MAGI2: variants seen among roughly 807,000 people sequenced by gnomAD.
MAGI2 encodes the protein membrane-associated guanylate kinase, WW and PDZ domain-containing protein 2.
Under a neutral mutation model 133.3 loss-of-function variants are expected in MAGI2, and 35 were observed. That is an observed-to-expected ratio of 0.26 (90% CI 0.20 to 0.35). The LOEUF is 0.35. MAGI2 is among the 10% of genes least tolerant of loss of function. The pLI, the probability that MAGI2 is intolerant of heterozygous loss-of-function variation, is 1.00. For missense variants in MAGI2, 1,636 were observed against 1,863.4 expected, an observed-to-expected ratio of 0.88 and a Z score of 2.25; for synonymous variants, 729 against 710.6, an observed-to-expected ratio of 1.03 and a Z score of -0.41.
chr7:78,144,141 T>C (rs1223048692), intron 16 of MAGI2, among the ~76,000 whole-genome samples: 2 of 152,156 alleles, frequency 1.3e-5, no homozygotes, highest in Non-Finnish European at 2.9e-5. Flanking sequence ...AGCAACTTAA[T>C]TGAAGTAATA....
chr7:78,959,515 C>CTGTCAA (rs141079085), intron 2 of MAGI2, among the ~76,000 whole-genome samples: 3,956 of 152,156 alleles, frequency 0.026, 252 homozygotes, highest in East Asian at 0.16. Flanking sequence ...GAGACACTAC[C>CTGTCAA]TGTCAATGAG....
At position 78,468,300 on chromosome 7, in the gene MAGI2, G is replaced by A. The variant is rs143993982; in HGVS notation, c.1045+21461C>T. Reference sequence around the variant, plus strand: ...TGACTATCACTTTTCTTTCTCAGGGGATGCAAACTCCAGTGGCTACTAACT... The same window carrying A: ...TGACTATCACTTTTCTTTCTCAGGGAATGCAAACTCCAGTGGCTACTAACT... On this transcript the variant is annotated intron_variant, in intron 6 of 21. Transcript: ENST00000354212. Among the ~76,000 whole-genome samples the A allele has an allele frequency of 9.2e-5, 14 of 152,210 alleles. No homozygotes were observed. The East Asian group carries it at 2.7e-3, about 29-fold the overall frequency.
At chr7:78,967,557 C>T (rs1051379242) in intron 2 of MAGI2, among the ~76,000 whole-genome samples, 8 of 151,702 alleles carry the variant, frequency 5.3e-5, no homozygotes, top group Non-Finnish European at 1.2e-4. Flanking sequence ...ATGTTTTCTT[C>T]TATGAGTTTT....
intron 2 of MAGI2, among the ~76,000 whole-genome samples, chr7:78,911,723 C>G (rs1018301859): frequency 6.6e-6 from 1 of 151,614 alleles, no homozygotes; most frequent in Middle Eastern, 3.4e-3. Context: ...ATTTTAGGTT[C>G]GGGGGTACAT....
intron 18 of MAGI2, among the ~76,000 whole-genome samples, chr7:78,132,172 C>T (rs935052939): frequency 2.0e-5 from 3 of 152,192 alleles, no homozygotes; most frequent in African/African-American, 4.8e-5. Flanking sequence ...ACCACACTGG[C>T]TGCTAATATT....
At chr7:78,828,191 G>C (rs1010677878) in intron 2 of MAGI2, among the ~76,000 whole-genome samples, 1 of 141,324 alleles carries the variant, frequency 7.1e-6, no homozygotes, top group Admixed American at 6.7e-5. Context: ...AGCCTTCCCC[G>C]CCTCTTAAAT....
At chr7:79,204,902 A>G (rs533063761) in intron 1 of MAGI2, among the ~76,000 whole-genome samples, 2 of 152,116 alleles carry the variant, frequency 1.3e-5, no homozygotes, top group South Asian at 2.1e-4. Flanking sequence ...ACTCGAAGAC[A>G]GGTTATTTGA....
At chr7:78,617,119 A>T (rs1807188211) in intron 3 of MAGI2, 1 of 152,122 alleles carries the variant, frequency 6.6e-6, no homozygotes, top group African/African-American at 2.4e-5. Flanking sequence ...TGATTTTTGG[A>T]TGAATATCAT....
At chr7:79,206,363 A>C (rs967905857) in intron 1 of MAGI2, among the ~76,000 whole-genome samples, 1 of 151,772 alleles carries the variant, frequency 6.6e-6, no homozygotes, top group Non-Finnish European at 1.5e-5. Context: ...AACTCAAATA[A>C]ATAAAATCAG....
chr7:79,028,239 A>G (rs867486705), intron 1 of MAGI2, among the ~76,000 whole-genome samples: 33 of 34,856 alleles, frequency 9.5e-4, no homozygotes, highest in South Asian at 4.8e-3. Context: ...ATGTATGTAT[A>G]TATATATATA....
chr7:78,135,172 C>A lies in MAGI2; in HGVS notation c.2880G>T (p.Gly960=), dbSNP rs1821980418. 1 of 1,614,026 alleles carries A rather than the reference C, an allele frequency of 6.2e-7. No homozygotes were observed. The change falls in exon 17 of 22, where the codon GGG becomes GGT. Residue 960 remains glycine (G), a synonymous_variant. Coordinates refer to ENST00000354212, the MANE Select transcript of MAGI2 (RefSeq NM_012301.4). The part of the protein sequence containing the change: ...VPHKIGRIID[G]SPADRCAKLK... ...GTTTTGCACAGCGATCTGCAGGACT[C>A]CCATCAATGATGCGTCCGATTTTAT...
At chr7:78,392,947 C>G (rs1033665483) in intron 6 of MAGI2, among the ~76,000 whole-genome samples, 2 of 152,244 alleles carry the variant, frequency 1.3e-5, no homozygotes, top group Admixed American at 6.5e-5. Flanking sequence ...AGGTGTGAGC[C>G]ACCGCGCCTG....
At chr7:78,973,317 T>C (rs1232594999) in intron 2 of MAGI2, among the ~76,000 whole-genome samples, 2 of 151,896 alleles carry the variant, frequency 1.3e-5, no homozygotes, top group African/African-American at 4.8e-5. Context: ...TTTGCCTTGA[T>C]TGGGTGTTGC....
intron 21 of MAGI2, among the ~76,000 whole-genome samples, chr7:78,046,265 G>T (rs1045394387): frequency 1.3e-5 from 2 of 151,516 alleles, no homozygotes; most frequent in African/African-American, 4.9e-5. Context: ...AACCAGGCAT[G>T]TTGGTGGGCA....
intron 2 of MAGI2, among the ~76,000 whole-genome samples, chr7:78,820,325 A>T (rs528018870): frequency 6.6e-6 from 1 of 152,000 alleles, no homozygotes; most frequent in Non-Finnish European, 1.5e-5. Context: ...CATAAGAATG[A>T]TGAGTTCTTC....
intron 2 of MAGI2, among the ~76,000 whole-genome samples, chr7:78,716,228 ATGTTT>A (rs1192065964): frequency 6.6e-6 from 1 of 152,134 alleles, no homozygotes; most frequent in Non-Finnish European, 1.5e-5. Context: ...GACTTTTGCT[ATGTTT>A]TATTTTAATT....
At chr7:78,961,132 T>C (rs1376285605) in intron 2 of MAGI2, among the ~76,000 whole-genome samples, 1 of 152,180 alleles carries the variant, frequency 6.6e-6, no homozygotes, top group Non-Finnish European at 1.5e-5. Flanking sequence ...TATTTTTATG[T>C]ACTTAGGGAT....
At chr7:78,330,400 G>A (rs189826231) in intron 9 of MAGI2, among the ~76,000 whole-genome samples, 2,416 of 39,352 alleles carry the variant, frequency 0.061, 773 homozygotes, top group Non-Finnish European at 0.11. Flanking sequence ...GGCGGATCAC[G>A]AGGTCAGGAG....
intron 1 of MAGI2, among the ~76,000 whole-genome samples, chr7:79,137,456 T>G (rs533308661): frequency 6.7e-6 from 1 of 150,132 alleles, no homozygotes; most frequent in South Asian, 2.1e-4. Flanking sequence ...TTTTGTTTTT[T>G]TTTTTTTTTG....
Sources: gnomAD v4.1 joint callset for allele counts (sites outside exome capture counted in the v4.1 genomes callset) on GRCh38, gnomAD v4.1.1 for gene constraint, MANE v1.5 for transcripts, NCBI Gene and HGNC (gene_info 2026-07-23, HGNC 2026-07-21) for gene names.